Variants in C12orf42 observed in about 807,000 individuals in gnomAD.
C12orf42 encodes the protein chromosome 12 open reading frame 42, also known as uncharacterized protein C12orf42.
A neutral mutation model predicts 21.6 loss-of-function variants in C12orf42; 25 were observed. The observed-to-expected ratio is 1.16, with a 90% CI of 0.84 to 1.62. The LOEUF (loss-of-function observed/expected upper bound fraction) is 1.62, where lower values mean the gene tolerates loss of function less well. C12orf42 is among the 40% of genes most tolerant of loss of function. The probability of loss-of-function intolerance (pLI) is 0.00; values close to 1 mark genes in which losing one functional copy is unlikely to be tolerated. For synonymous variants in C12orf42, 174 were observed against 175.0 expected (o/e 0.99, Z 0.05); for missense variants, 483 against 459.3 (o/e 1.05, Z -0.47).
At chr12:103,372,122 G>A (rs1016344633) in intron 3 of C12orf42, among the ~76,000 whole-genome samples, 3 of 152,026 alleles carry the variant, frequency 2.0e-5, no homozygotes, top group African/African-American at 7.2e-5. Flanking sequence ...GCCGTTTCCT[G>A]TCAACCTCAC....
At chr12:103,374,950 T>C (rs1286514649) in intron 3 of C12orf42, among the ~76,000 whole-genome samples, 1 of 152,216 alleles carries the variant, frequency 6.6e-6, no homozygotes, top group Non-Finnish European at 1.5e-5. Context: ...GCCAAAATAT[T>C]CTAGGTAATT....
the C12orf42 span, among the ~76,000 whole-genome samples, chr12:103,542,408 A>G: frequency 6.6e-6 from 1 of 152,240 alleles, no homozygotes; most frequent in African/African-American, 2.4e-5. Flanking sequence ...CATATTCCAG[A>G]AACAGATGCC....
upstream of C12orf42, among the ~76,000 whole-genome samples, chr12:103,499,828 C>T (rs1358586447): frequency 6.6e-6 from 1 of 152,142 alleles, no homozygotes; most frequent in African/African-American, 2.4e-5. Flanking sequence ...TGAACTTTAT[C>T]AGACATAAGA....
intron 3 of C12orf42, among the ~76,000 whole-genome samples, chr12:103,391,297 T>G (rs1356008419): frequency 6.6e-6 from 1 of 152,174 alleles, no homozygotes; most frequent in Admixed American, 6.5e-5. Flanking sequence ...AGGAATAAAA[T>G]TGCTGAGTCA....
At chr12:103,271,458 C>A (rs543570954) in intron 5 of C12orf42, among the ~76,000 whole-genome samples, 1 of 152,206 alleles carries the variant, frequency 6.6e-6, no homozygotes, top group South Asian at 2.1e-4. Context: ...AGGAGTGAGA[C>A]CTATCAGCTG....
At chr12:103,291,718 A>C (rs545451346) in intron 4 of C12orf42, among the ~76,000 whole-genome samples, 84 of 152,288 alleles carry the variant, frequency 5.5e-4, no homozygotes, top group African/African-American at 1.9e-3. Flanking sequence ...TCATGGCACC[A>C]GTGGAAGTGT....
the C12orf42 span, among the ~76,000 whole-genome samples, chr12:103,169,753 T>A: frequency 1.3e-5 from 2 of 149,752 alleles, no homozygotes; most frequent in Non-Finnish European, 3.0e-5. Context: ...TATAAAAATT[T>A]GATATGCTAA....
chr12:103,047,702 C>T, the C12orf42 span, among the ~76,000 whole-genome samples: 1 of 152,208 alleles, frequency 6.6e-6, no homozygotes, highest in Non-Finnish European at 1.5e-5. Flanking sequence ...TAGGCCAGGC[C>T]TGGCTGATCT....
At chr12:103,094,548 C>G in the C12orf42 span, among the ~76,000 whole-genome samples, 1 of 152,188 alleles carries the variant, frequency 6.6e-6, no homozygotes, top group Non-Finnish European at 1.5e-5. Flanking sequence ...AGCTGGGAGT[C>G]ATCTCTTCCT....
chr12:103,409,185 C>T (rs946544495), intron 2 of C12orf42, among the ~76,000 whole-genome samples: 1 of 152,160 alleles, frequency 6.6e-6, no homozygotes, highest in African/African-American at 2.4e-5. Flanking sequence ...TGTTCCTCAC[C>T]AGCAAACACT....
At chr12:103,272,537 C>A (rs2035534686) in intron 5 of C12orf42, among the ~76,000 whole-genome samples, 2 of 152,084 alleles carry the variant, frequency 1.3e-5, no homozygotes, top group African/African-American at 4.8e-5. Flanking sequence ...GTTTTGAAAA[C>A]TAGATTTCAT....
chr12:103,297,570 T>G (rs1364501590), downstream of C12orf42, among the ~76,000 whole-genome samples: 1 of 151,944 alleles, frequency 6.6e-6, no homozygotes, highest in African/African-American at 2.4e-5. Context: ...TTCCAATCAA[T>G]AGAAAAAGAG....
At chr12:103,521,474 G>A in the C12orf42 span, among the ~76,000 whole-genome samples, 2 of 152,138 alleles carry the variant, frequency 1.3e-5, no homozygotes, top group Non-Finnish European at 2.9e-5. Context: ...AGTGGGAGCT[G>A]AACAAGGAGA....
chr12:103,228,317 C>G, the C12orf42 span, among the ~76,000 whole-genome samples: 18 of 151,646 alleles, frequency 1.2e-4, no homozygotes, highest in Non-Finnish European at 1.6e-4. Context: ...TCGCAAGGTG[C>G]TCAGTGGGGG....
chr12:103,415,020 C>T (rs1279843208), intron 2 of C12orf42, among the ~76,000 whole-genome samples: 1 of 151,890 alleles, frequency 6.6e-6, no homozygotes, highest in African/African-American at 2.4e-5. Context: ...CTTCAAGAGA[C>T]CTGTCTTACA....
chr12:103,197,291 G>A, the C12orf42 span, among the ~76,000 whole-genome samples: 1 of 152,164 alleles, frequency 6.6e-6, no homozygotes, highest in Non-Finnish European at 1.5e-5. Context: ...TCTGATGTTA[G>A]CCTGATAGGG....
the C12orf42 span, chr12:103,549,603 GGAA>G: frequency 2.6e-5 from 4 of 152,082 alleles, no homozygotes; most frequent in Non-Finnish European, 4.4e-5. Context: ...GGGAGGTAAG[GGAA>G]GAAGAATTTA....
At chr12:103,228,970 A>T in the C12orf42 span, among the ~76,000 whole-genome samples, 1 of 151,866 alleles carries the variant, frequency 6.6e-6, no homozygotes, top group Non-Finnish European at 1.5e-5. Context: ...GGTTTCTTCC[A>T]GTCTACAAAC....
At chr12:103,219,089 G>A in the C12orf42 span, among the ~76,000 whole-genome samples, 1 of 152,194 alleles carries the variant, frequency 6.6e-6, no homozygotes, top group African/African-American at 2.4e-5. Context: ...TGGAAAGGGG[G>A]CTGAAGCCAG....
Sources: gnomAD v4.1 joint callset for allele counts (sites outside exome capture counted in the v4.1 genomes callset) on GRCh38, gnomAD v4.1.1 for gene constraint, MANE v1.5 for transcripts, NCBI Gene and HGNC (gene_info 2026-07-23, HGNC 2026-07-21) for gene names.